The following REPS2 variants were observed in gnomAD, a reference collection of about 807,000 sequenced individuals.
REPS2 encodes ralBP1-associated Eps domain-containing protein 2.
In REPS2, 23 loss-of-function variants were observed where a neutral mutation model predicts 53.6. That is an observed-to-expected ratio of 0.43 (90% CI 0.31 to 0.61). The LOEUF is 0.61. Ranked by LOEUF, REPS2 falls within the 20% of genes least tolerant of loss-of-function variation. The pLI is 0.11. For synonymous variants in REPS2, 238 were observed against 218.6 expected (o/e 1.09, Z -0.78); for missense variants, 446 against 534.9 (o/e 0.83, Z 1.64).
intron 2 of REPS2, among the ~76,000 whole-genome samples, chrX:17,018,814 A>ATT (rs201340371): frequency 9.4e-5 from 10 of 106,394 alleles, no homozygotes; most frequent in African/African-American, 3.5e-4. Context: ...AAATTGAGGT[A>ATT]TTTTTTTTTC....
the REPS2 span, among the ~76,000 whole-genome samples, chrX:17,194,135 T>C: frequency 8.9e-6 from 1 of 111,880 alleles, no homozygotes; most frequent in African/African-American, 3.2e-5. Context: ...TACTTGCCAA[T>C]TGTGTGACCG....
intron 2 of REPS2, among the ~76,000 whole-genome samples, chrX:17,021,533 C>T (rs1262370427): frequency 8.9e-6 from 1 of 112,477 alleles, no homozygotes; most frequent in Non-Finnish European, 1.9e-5. Context: ...ACTAAGTTTG[C>T]CATAGGAACA....
chrX:16,954,095 A>G (rs903096065), intron 1 of REPS2, among the ~76,000 whole-genome samples: 5 of 110,813 alleles, frequency 4.5e-5, no homozygotes, highest in African/African-American at 1.6e-4. Flanking sequence ...CTGGGAATAC[A>G]GGTGTGCAGC....
chrX:17,045,012 G>A (rs964128316), intron 5 of REPS2, among the ~76,000 whole-genome samples: 2 of 111,133 alleles, frequency 1.8e-5, no homozygotes, highest in Non-Finnish European at 3.8e-5. Context: ...TCGCTGCAAC[G>A]TCCACCTCCC....
chrX:17,175,790 G>A, the REPS2 span, among the ~76,000 whole-genome samples: 3,065 of 112,353 alleles, frequency 0.027, 100 homozygotes, highest in African/African-American at 0.094. Flanking sequence ...CAGTCATGCA[G>A]AGATCCAGGT....
chrX:17,033,009 T>C (rs1026312709), intron 5 of REPS2, among the ~76,000 whole-genome samples: 6 of 112,414 alleles, frequency 5.3e-5, no homozygotes, highest in African/African-American at 1.9e-4. Context: ...TATGTTTAGA[T>C]GTTGTTTTGT....
intron 13 of REPS2, among the ~76,000 whole-genome samples, chrX:17,092,868 G>A (rs2062636997): frequency 9.8e-6 from 1 of 102,520 alleles, no homozygotes; most frequent in African/African-American, 3.6e-5. Context: ...TGACTGATTA[G>A]GGCATACTGG....
At chrX:16,958,215 T>C (rs192860751) in intron 1 of REPS2, among the ~76,000 whole-genome samples, 3 of 111,944 alleles carry the variant, frequency 2.7e-5, no homozygotes, top group Admixed American at 1.9e-4. Flanking sequence ...TGAGAGGCTA[T>C]TGCTTTCATA....
chrX:17,081,978 G>T (rs186578544), intron 13 of REPS2, among the ~76,000 whole-genome samples: 144 of 112,175 alleles, frequency 1.3e-3, no homozygotes, highest in Non-Finnish European at 2.2e-3. Context: ...ATCACACTAA[G>T]CTGGTACCTA....
At chrX:17,165,439 GA>G in the REPS2 span, among the ~76,000 whole-genome samples, 1 of 111,202 alleles carries the variant, frequency 9.0e-6, no homozygotes, top group African/African-American at 3.3e-5. Flanking sequence ...GCCTTCCTGG[GA>G]ATCTTGTTCT....
chrX:17,013,673 G>GT (rs2061456768), intron 2 of REPS2, among the ~76,000 whole-genome samples: 5 of 109,647 alleles, frequency 4.6e-5, no homozygotes, highest in Non-Finnish European at 9.5e-5. Flanking sequence ...TGTCCACACA[G>GT]TGTCTCTGTA....
the REPS2 span, among the ~76,000 whole-genome samples, chrX:17,183,361 C>A: frequency 9.0e-6 from 1 of 111,505 alleles, no homozygotes; most frequent in Non-Finnish European, 1.9e-5. Flanking sequence ...CATTGTACCC[C>A]AAAAATATAT....
intron 13 of REPS2, among the ~76,000 whole-genome samples, chrX:17,101,089 T>C (rs1333611020): frequency 1.9e-5 from 2 of 102,784 alleles, no homozygotes; most frequent in Admixed American, 1.0e-4. Context: ...AGTCTGGCTC[T>C]GTCACCCAGG....
chrX:17,165,698 T>C, the REPS2 span, among the ~76,000 whole-genome samples: 2 of 111,145 alleles, frequency 1.8e-5, no homozygotes, highest in African/African-American at 6.5e-5. Context: ...AGGGAGGTTG[T>C]TTTTAATTAC....
Position 17,077,256 on chromosome X carries a change from C to T in REPS2, c.1380-15C>T. 1.5e-5 allele frequency: 17 copies of T among 1,160,451 alleles called. No individual in the cohort carries two copies. The highest frequency in any genetic ancestry group is 2.0e-5 in the Non-Finnish European group (17 of 871,214). On this transcript the variant is annotated splice_polypyrimidine_tract_variant and intron_variant, in intron 12 of 17. Coordinates refer to ENST00000357277, the MANE Select transcript of REPS2 (RefSeq NM_004726.3). ...TTTGCTATTTCGCTTCTGACCTTCCCTTATTTTGCTACAGATCTTACTCTA... is the reference window on the plus strand; with the variant it reads ...TTTGCTATTTCGCTTCTGACCTTCCTTTATTTTGCTACAGATCTTACTCTA...
chrX:17,086,637 G>A (rs147170724), intron 13 of REPS2, among the ~76,000 whole-genome samples: 1,682 of 112,006 alleles, frequency 0.015, 27 homozygotes, highest in African/African-American at 0.053. Flanking sequence ...ATTGGTAGTT[G>A]CAAAATGGCG....
intron 1 of REPS2, among the ~76,000 whole-genome samples, chrX:16,956,318 T>G (rs2060596396): frequency 2.8e-5 from 1 of 35,791 alleles, no homozygotes; most frequent in East Asian, 1.4e-3. Context: ...TTTTTTTTTT[T>G]TGAGACAGGG....
At chrX:17,174,125 G>T in the REPS2 span, among the ~76,000 whole-genome samples, 8 of 111,090 alleles carry the variant, frequency 7.2e-5, no homozygotes, top group Non-Finnish European at 1.5e-4. Flanking sequence ...AGAAGATGAG[G>T]CCAGAAGGGT....
chrX:17,105,435 A>C, intron 14 of REPS2, among the ~76,000 whole-genome samples: 1 of 112,376 alleles, frequency 8.9e-6, no homozygotes, highest in Non-Finnish European at 1.9e-5. Flanking sequence ...CTCTTCCTGC[A>C]CAAATGCCAG....
Sources: allele counts gnomAD v4.1 joint callset (sites outside exome capture counted in the v4.1 genomes callset), GRCh38; gene constraint gnomAD v4.1.1; transcripts MANE v1.5; gene names NCBI Gene and HGNC (gene_info 2026-07-23, HGNC 2026-07-21).